NETO1: variants seen among roughly 807,000 people sequenced by gnomAD.
NETO1 encodes the protein neuropilin and tolloid like 1, also known as neuropilin and tolloid-like protein 1.
NETO1 carries 26 observed loss-of-function variants against 61.3 expected under a neutral mutation model. The ratio of observed to expected loss-of-function variants is 0.42; its 90% CI spans 0.31 to 0.59. The LOEUF is 0.59. Ranked by LOEUF, NETO1 falls within the 20% of genes least tolerant of loss-of-function variation. The probability of loss-of-function intolerance (pLI) is 0.12; values close to 1 mark genes in which losing one functional copy is unlikely to be tolerated. For synonymous variants in NETO1, 225 were observed against 225.8 expected (o/e 1.00, Z 0.03); for missense variants, 531 against 662.8 (o/e 0.80, Z 2.18).
chr18:72,832,845 A>G (rs1394526447), intron 4 of NETO1, among the ~76,000 whole-genome samples: 1 of 152,246 alleles, frequency 6.6e-6, no homozygotes, highest in African/African-American at 2.4e-5. Context: ...ATACAGATTT[A>G]TACACAAATT....
Position 72,750,503 on chromosome 18 carries a change from T to C in NETO1, c.1100A>G (p.Gln367Arg). The C allele has an allele frequency of 6.2e-7, 1 of 1,614,112 alleles. No homozygotes were observed. Among genetic ancestry groups the C allele is most frequent in the Non-Finnish European group, 8.5e-7 (1 of 1,180,014 alleles). The change falls in exon 9 of 11, where the codon CAG (glutamine) becomes CGG (arginine). Residue 367 changes from glutamine to arginine, a missense_variant. Coordinates refer to ENST00000327305, the MANE Select transcript of NETO1 (RefSeq NM_138966.5). ...IIISVIVQIK[Q>R]PRKKYVQRKS... ...CCTTTGGACATACTTTTTACGAGGCTGTTTGATCTGTACGATGACAGAGAT... is the reference window on the plus strand; with the variant it reads ...CCTTTGGACATACTTTTTACGAGGCCGTTTGATCTGTACGATGACAGAGAT...
chr18:72,766,220 ATG>A (rs34670401), intron 7 of NETO1, among the ~76,000 whole-genome samples: 57,305 of 144,454 alleles, frequency 0.4, 11,919 homozygotes, highest in Admixed American at 0.51. Context: ...AAAAAAAAAT[ATG>A]TGTGTGTGTG....
At chr18:72,771,636 C>A (rs534297932) in intron 7 of NETO1, among the ~76,000 whole-genome samples, 1 of 152,284 alleles carries the variant, frequency 6.6e-6, no homozygotes, top group South Asian at 2.1e-4. Context: ...TAGTGTCAAT[C>A]TGATGCTGGA....
chr18:72,771,212 G>A (rs1271319371), intron 7 of NETO1, among the ~76,000 whole-genome samples: 3 of 152,072 alleles, frequency 2.0e-5, no homozygotes, highest in African/African-American at 7.2e-5. Flanking sequence ...TCTTGTTCTA[G>A]ACAGGAAAAG....
At chr18:72,756,188 C>A in intron 7 of NETO1, 41 bp from the exon 8 acceptor site, 1 of 968,464 alleles carries the variant, frequency 1.0e-6, no homozygotes, top group Non-Finnish European at 1.7e-6. Context: ...AAAGTTATAA[C>A]TGACATTCAG....
chr18:72,772,514 T>C (rs2071384677), intron 7 of NETO1, among the ~76,000 whole-genome samples: 1 of 151,902 alleles, frequency 6.6e-6, no homozygotes, highest in South Asian at 2.1e-4. Context: ...GGCTCCAACA[T>C]TCCCAACACA....
chr18:72,785,451 A>G (rs1224390102), intron 6 of NETO1, among the ~76,000 whole-genome samples: 1 of 152,160 alleles, frequency 6.6e-6, no homozygotes, highest in East Asian at 1.9e-4. Context: ...CAAAGTACAG[A>G]TTCTCCTTAC....
intron 4 of NETO1, among the ~76,000 whole-genome samples, chr18:72,811,244 C>T (rs185056043): frequency 3.3e-5 from 5 of 152,252 alleles, no homozygotes; most frequent in Non-Finnish European, 7.4e-5. Context: ...CTAACGGCAC[C>T]ACCTGTTCTG....
intron 7 of NETO1, among the ~76,000 whole-genome samples, chr18:72,761,014 G>A (rs559913278): frequency 3.9e-5 from 6 of 151,928 alleles, no homozygotes; most frequent in South Asian, 4.2e-4. Context: ...TACCACCACC[G>A]TTACCAAAAC....
At chr18:72,810,396 TGGGGAATGTGA>T (rs1236335521) in intron 4 of NETO1, among the ~76,000 whole-genome samples, 1 of 152,148 alleles carries the variant, frequency 6.6e-6, no homozygotes, top group Non-Finnish European at 1.5e-5. Context: ...GTCTCCATCT[TGGGGAATGTGA>T]AGAATGATTA....
intron 6 of NETO1, among the ~76,000 whole-genome samples, chr18:72,787,774 A>C (rs1331116434): frequency 6.6e-6 from 1 of 152,184 alleles, no homozygotes; most frequent in Non-Finnish European, 1.5e-5. Flanking sequence ...TGTGCCTAAC[A>C]CCCGGATACT....
At chr18:72,829,614 A>G (rs776677391) in intron 4 of NETO1, among the ~76,000 whole-genome samples, 1 of 152,164 alleles carries the variant, frequency 6.6e-6, no homozygotes, top group Non-Finnish European at 1.5e-5. Context: ...TGCTTGGTTT[A>G]CCCCAAATAT....
rs145579220 is a variant in NETO1, at chr18:72,856,875, C to T, written c.469+1951G>A. Among the ~76,000 whole-genome samples, 197 of 152,350 alleles carry T rather than the reference C, an allele frequency of 1.3e-3. 1 individual carries two copies. The highest frequency in any genetic ancestry group is 3.4e-3 in the Middle Eastern group (1 of 294). On this transcript the variant is annotated intron_variant, in intron 4 of 10. Transcript: ENST00000327305. ...TCCCCAGGTCACCAGTTGAATGACACTACTAAATAAAAATTAAGCCAAAAT... is the reference window on the plus strand; with the variant it reads ...TCCCCAGGTCACCAGTTGAATGACATTACTAAATAAAAATTAAGCCAAAAT...
chr18:72,859,387 T>G (rs1412492639), intron 3 of NETO1, among the ~76,000 whole-genome samples: 1 of 152,198 alleles, frequency 6.6e-6, no homozygotes, highest in Admixed American at 6.5e-5. Flanking sequence ...AGTTAGAAGG[T>G]CAAGGAATAT....
chr18:72,781,941 A>T (rs565483600), intron 7 of NETO1, among the ~76,000 whole-genome samples: 154 of 152,212 alleles, frequency 1.0e-3, no homozygotes, highest in South Asian at 7.5e-3. Context: ...AAATTATTTC[A>T]TCACCCATAT....
At chr18:72,767,434 CT>C (rs1376482428) in intron 7 of NETO1, among the ~76,000 whole-genome samples, 1 of 152,076 alleles carries the variant, frequency 6.6e-6, no homozygotes, top group African/African-American at 2.4e-5. Context: ...AAAAATTATT[CT>C]AAATGGTTCG....
At chr18:72,859,958 A>C (rs1216787138) in intron 3 of NETO1, among the ~76,000 whole-genome samples, 1 of 152,138 alleles carries the variant, frequency 6.6e-6, no homozygotes, top group African/African-American at 2.4e-5. Context: ...AGTAAATTAT[A>C]AATGAGTGTA....
chr18:72,763,598 CAA>C (rs879306345), intron 7 of NETO1, among the ~76,000 whole-genome samples: 8 of 151,930 alleles, frequency 5.3e-5, no homozygotes, highest in South Asian at 2.1e-4. Flanking sequence ...CACACACTCA[CAA>C]ACACACACAC....
chr18:72,828,802 G>T lies in NETO1; in HGVS notation c.469+30024C>A, dbSNP rs914038841. Among the ~76,000 whole-genome samples the T allele has an allele frequency of 5.9e-5, 9 of 152,166 alleles. No individual in the cohort carries two copies. The South Asian group carries it at 1.7e-3, about 28-fold the overall frequency. The stretch of plus-strand genomic sequence containing the variant: ...CTGCAGATATTTCAACAGCGAAAAC[G>T]AAAGCCAACAGACAGTCAAATAAGG... On this transcript the variant is annotated intron_variant, in intron 4 of 10. Coordinates refer to ENST00000327305, the MANE Select transcript of NETO1 (RefSeq NM_138966.5).
Sources: gnomAD v4.1 joint callset for allele counts (sites outside exome capture counted in the v4.1 genomes callset) on GRCh38, gnomAD v4.1.1 for gene constraint, MANE v1.5 for transcripts, NCBI Gene and HGNC (gene_info 2026-07-23, HGNC 2026-07-21) for gene names.